RAD51B: variants seen among roughly 807,000 people sequenced by gnomAD.
RAD51B encodes DNA repair protein RAD51 homolog 2.
A neutral mutation model predicts 42.2 loss-of-function variants in RAD51B; 38 were observed. The observed-to-expected ratio is 0.90, with a 90% confidence interval of 0.70 to 1.18. RAD51B has a LOEUF of 1.18. Among genes scored for constraint, RAD51B ranks in the 50% most tolerant of loss-of-function variants. The probability of loss-of-function intolerance (pLI) is 0.00; values close to 1 mark genes in which losing one functional copy is unlikely to be tolerated. For missense variants in RAD51B, 373 were observed against 400.7 expected (o/e 0.93, Z 0.59); for synonymous variants, 154 against 145.2 (o/e 1.06, Z -0.43).
intron 10 of RAD51B, among the ~76,000 whole-genome samples, chr14:68,618,936 A>G (rs1891882677): frequency 6.6e-6 from 1 of 151,998 alleles, no homozygotes; most frequent in Non-Finnish European, 1.5e-5. Context: ...TCTAGGTCTT[A>G]GCCACAGATA....
chr14:68,449,573 C>A (rs979344801), intron 9 of RAD51B, among the ~76,000 whole-genome samples: 1 of 152,194 alleles, frequency 6.6e-6, no homozygotes, highest in African/African-American at 2.4e-5. Flanking sequence ...CACCTTTAGG[C>A]CCATCCCCCC....
chr14:68,553,602 G>A, intron 10 of RAD51B, among the ~76,000 whole-genome samples: 1 of 152,032 alleles, frequency 6.6e-6, no homozygotes, highest in East Asian at 1.9e-4. Flanking sequence ...GATGAAAATT[G>A]TTTGGCAGCA....
intron 7 of RAD51B, among the ~76,000 whole-genome samples, chr14:67,896,486 A>T (rs1349763432): frequency 1.3e-5 from 2 of 152,228 alleles, no homozygotes; most frequent in African/African-American, 4.8e-5. Context: ...AGTGCTCTGT[A>T]CACATAGTAT....
At chr14:67,957,678 C>T (rs1392730941) in intron 7 of RAD51B, among the ~76,000 whole-genome samples, 2 of 152,148 alleles carry the variant, frequency 1.3e-5, no homozygotes, top group Non-Finnish European at 2.9e-5. Context: ...AAAGCTAGTG[C>T]CCCCAAATAG....
chr14:68,512,132 C>T (rs1200149479), intron 10 of RAD51B, among the ~76,000 whole-genome samples: 2 of 152,154 alleles, frequency 1.3e-5, no homozygotes, highest in Non-Finnish European at 2.9e-5. Flanking sequence ...CAGATGAGTG[C>T]GAAATATCAT....
chr14:68,101,351 A>T (rs188107741), intron 7 of RAD51B, among the ~76,000 whole-genome samples: 1 of 152,312 alleles, frequency 6.6e-6, no homozygotes, highest in East Asian at 1.9e-4. Context: ...CATTAACTCA[A>T]AAGTCCAAGT....
chr14:68,095,269 A>C (rs1027877565), intron 7 of RAD51B, among the ~76,000 whole-genome samples: 6 of 152,068 alleles, frequency 3.9e-5, no homozygotes. Flanking sequence ...TTGAACACTG[A>C]CTAATTACCT....
chr14:68,121,381 T>A (rs2077648894), intron 7 of RAD51B, among the ~76,000 whole-genome samples: 1 of 152,200 alleles, frequency 6.6e-6, no homozygotes, highest in African/African-American at 2.4e-5. Flanking sequence ...CTTGCCATGC[T>A]TCTAAGAGGC....
At chr14:68,605,681 T>C (rs1409654509) in intron 10 of RAD51B, among the ~76,000 whole-genome samples, 8 of 152,186 alleles carry the variant, frequency 5.3e-5, no homozygotes, top group Admixed American at 4.6e-4. Flanking sequence ...CACTCCTGTG[T>C]CTTAACTAAT....
intron 7 of RAD51B, among the ~76,000 whole-genome samples, chr14:68,218,327 C>T (rs956406265): frequency 6.6e-6 from 1 of 152,176 alleles, no homozygotes; most frequent in Non-Finnish European, 1.5e-5. Flanking sequence ...TATAATATTG[C>T]CTGGCTCATT....
intron 7 of RAD51B, among the ~76,000 whole-genome samples, chr14:68,020,221 CAGCTCAGCCTCTCGAGT>C (rs1228188014): frequency 2.0e-5 from 3 of 152,070 alleles, no homozygotes; most frequent in Non-Finnish European, 4.4e-5. Context: ...GCAATCCTCC[CAGCTCAGCCTCTCGAGT>C]AGCTGGGACC....
chr14:68,572,355 A>G (rs963980553), intron 10 of RAD51B, among the ~76,000 whole-genome samples: 1 of 152,164 alleles, frequency 6.6e-6, no homozygotes, highest in Non-Finnish European at 1.5e-5. Context: ...TGCAGGCTGG[A>G]CTGTGTCAGC....
At chr14:68,068,252 T>A (rs566316288) in intron 7 of RAD51B, among the ~76,000 whole-genome samples, 10 of 152,320 alleles carry the variant, frequency 6.6e-5, no homozygotes, top group African/African-American at 2.4e-4. Context: ...AAAAGAACTC[T>A]GTACCATTAA....
intron 7 of RAD51B, among the ~76,000 whole-genome samples, chr14:68,213,806 G>A (rs1375688338): frequency 1.3e-5 from 2 of 152,048 alleles, no homozygotes; most frequent in East Asian, 1.9e-4. Context: ...GAGGAAAAAC[G>A]GTGAACTAAT....
intron 5 of RAD51B, among the ~76,000 whole-genome samples, chr14:67,883,961 G>T (rs1244854312): frequency 6.6e-6 from 1 of 152,140 alleles, no homozygotes; most frequent in African/African-American, 2.4e-5. Context: ...TGTAATTAAT[G>T]TCTGGGAGCA....
intron 7 of RAD51B, among the ~76,000 whole-genome samples, chr14:68,199,419 C>T (rs977689288): frequency 2.6e-5 from 4 of 152,202 alleles, no homozygotes; most frequent in African/African-American, 4.8e-5. Flanking sequence ...TCATCCTGAA[C>T]TTAGGCCTGT....
rs114646814 is a variant in RAD51B, at chr14:68,260,696, G to A, written c.757-31188G>A. Among the ~76,000 whole-genome samples, 537 of 152,290 alleles carry A rather than the reference G, an allele frequency of 3.5e-3. 3 individuals are homozygous for A. The highest frequency in any genetic ancestry group is 0.012 in the African/African-American group (482 of 41,560). ...ACCTGTCTCATGAGGGTCTTCAAGAGAGAAGGTCAGAGAGACCTTTTTGCT... is the reference window on the plus strand; with the variant it reads ...ACCTGTCTCATGAGGGTCTTCAAGAAAGAAGGTCAGAGAGACCTTTTTGCT... On this transcript the variant is annotated intron_variant, in intron 7 of 10. Transcript: ENST00000471583.
intron 8 of RAD51B, among the ~76,000 whole-genome samples, chr14:68,393,411 T>C (rs939419974): frequency 6.6e-5 from 10 of 152,200 alleles, no homozygotes; most frequent in African/African-American, 2.4e-4. Flanking sequence ...TCCTCTATTC[T>C]CATACTGAGG....
chr14:68,493,629 A>G (rs1884258100), intron 10 of RAD51B, among the ~76,000 whole-genome samples: 4 of 152,208 alleles, frequency 2.6e-5, no homozygotes, highest in Non-Finnish European at 5.9e-5. Flanking sequence ...CTGTATGGGG[A>G]CAAAACAACC....
Sources: gnomAD v4.1 joint callset for allele counts (sites outside exome capture counted in the v4.1 genomes callset) on GRCh38, gnomAD v4.1.1 for gene constraint, MANE v1.5 for transcripts, NCBI Gene and HGNC (gene_info 2026-07-23, HGNC 2026-07-21) for gene names.